SGCZ: variants seen among roughly 807,000 people sequenced by gnomAD.
SGCZ encodes sarcoglycan zeta.
Under a neutral mutation model 41.3 loss-of-function variants are expected in SGCZ, and 40 were observed. The observed-to-expected ratio is 0.97, with a 90% confidence interval of 0.75 to 1.26. The LOEUF (loss-of-function observed/expected upper bound fraction) is 1.26, where lower values mean the gene tolerates loss of function less well. Among genes scored for constraint, SGCZ ranks in the 50% most tolerant of loss-of-function variants. The probability of loss-of-function intolerance (pLI) is 0.00; values close to 1 mark genes in which losing one functional copy is unlikely to be tolerated. For missense variants in SGCZ, 552 were observed against 369.8 expected (o/e 1.49, Z -4.04); for synonymous variants, 206 against 137.5 (o/e 1.50, Z -3.49).
rs117239169 is a variant in SGCZ at position 15,000,055 on chromosome 8, G to A, written c.39+237530C>T. On this transcript the variant is annotated intron_variant, in intron 1 of 7. Transcript: ENST00000382080. ...TAAGGTTAAATGAGGTCATAGGGGT[G>A]AGCCCTAATTCAACCTGACTGGTGC... Among the ~76,000 whole-genome samples the A allele has an allele frequency of 4.3e-3, 651 of 152,264 alleles. 2 individuals are homozygous for A. The highest frequency in any genetic ancestry group is 6.5e-3 in the Admixed American group (100 of 15,292).
intron 1 of SGCZ, among the ~76,000 whole-genome samples, chr8:14,577,037 C>T (rs1804732333): frequency 6.6e-6 from 1 of 152,310 alleles, no homozygotes; most frequent in African/African-American, 2.4e-5. Context: ...CTAAACTGTA[C>T]ATTTCTTGAC....
In SGCZ at chr8:15,229,305, T is replaced by G. The variant is rs1022344011; in HGVS notation, c.39+8280A>C. ...GAGTATCTAAAAAGGATTTTAATAA[T>G]TTTAACTGTATAAACATTTATTACC... On this transcript the variant is annotated intron_variant, in intron 1 of 7. Coordinates refer to ENST00000382080, the MANE Select transcript of SGCZ (RefSeq NM_139167.4). 2.0e-5 allele frequency among the ~76,000 whole-genome samples: 3 copies of G among 152,202 alleles called. No homozygotes were observed. The South Asian group carries it at 6.2e-4, about 31-fold the overall frequency.
At position 14,084,895 on chromosome 8, in the gene SGCZ, A is replaced by G. The variant is rs541234583; in HGVS notation, c.*5548T>C. On this transcript the variant is annotated 3_prime_UTR_variant, in exon 8 of 8. Transcript: ENST00000382080. ...CTATCACATTTAATCATGGTTACAT[A>G]GTAGCACCAAAATTAGGACAAATTA... Among the ~76,000 whole-genome samples the G allele has an allele frequency of 1.1e-3, 166 of 151,970 alleles. No individual in the cohort carries two copies. Among genetic ancestry groups the G allele is most frequent in the African/African-American group, 3.8e-3 (158 of 41,530 alleles).
intron 1 of SGCZ, among the ~76,000 whole-genome samples, chr8:14,705,516 T>C (rs1462541096): frequency 1.3e-5 from 2 of 151,968 alleles, no homozygotes. Flanking sequence ...ATTGCAAACC[T>C]TGTCTCCGAT....
chr8:15,222,497 A>G (rs1179623757), intron 1 of SGCZ, among the ~76,000 whole-genome samples: 3 of 152,218 alleles, frequency 2.0e-5, no homozygotes, highest in East Asian at 1.9e-4. Flanking sequence ...TGATAAATCA[A>G]TTAGTGCTTA....
intron 1 of SGCZ, among the ~76,000 whole-genome samples, chr8:14,899,803 A>T (rs1798900942): frequency 6.6e-6 from 1 of 152,046 alleles, no homozygotes; most frequent in African/African-American, 2.4e-5. Context: ...ACAGGAAGGG[A>T]GAAAAGTGAA....
At chr8:14,967,111 G>A (rs983758936) in intron 1 of SGCZ, among the ~76,000 whole-genome samples, 5 of 152,130 alleles carry the variant, frequency 3.3e-5, no homozygotes, top group African/African-American at 1.2e-4. Flanking sequence ...AGTAGAATAA[G>A]TAAACTGTAA....
At chr8:14,750,392 T>G (rs931080549) in intron 1 of SGCZ, among the ~76,000 whole-genome samples, 7 of 152,154 alleles carry the variant, frequency 4.6e-5, no homozygotes, top group African/African-American at 1.7e-4. Context: ...GTAGGAGAAC[T>G]GAATAATTTT....
At chr8:15,093,485 A>T (rs1055510873) in intron 1 of SGCZ, among the ~76,000 whole-genome samples, 1 of 152,218 alleles carries the variant, frequency 6.6e-6, no homozygotes, top group Non-Finnish European at 1.5e-5. Context: ...TCAGCATAAC[A>T]GTTGCTTAGA....
intron 1 of SGCZ, among the ~76,000 whole-genome samples, chr8:14,556,364 T>C (rs1183887572): frequency 6.6e-6 from 1 of 151,766 alleles, no homozygotes; most frequent in African/African-American, 2.4e-5. Context: ...ATATGTTAAG[T>C]AATATAAAAT....
chr8:14,503,566 G>A (rs186654717), intron 2 of SGCZ, among the ~76,000 whole-genome samples: 3 of 152,016 alleles, frequency 2.0e-5, no homozygotes, highest in African/African-American at 7.2e-5. Context: ...TCAAGAGATC[G>A]AGACTACCCT....
At chr8:14,141,965 A>G (rs2116927030) in intron 5 of SGCZ, among the ~76,000 whole-genome samples, 1 of 152,366 alleles carries the variant, frequency 6.6e-6, no homozygotes, top group Non-Finnish European at 1.5e-5. Flanking sequence ...GCACATATAC[A>G]CCATGGAATA....
At chr8:15,175,046 A>T (rs1799955712) in intron 1 of SGCZ, among the ~76,000 whole-genome samples, 1 of 127,676 alleles carries the variant, frequency 7.8e-6, no homozygotes, top group Non-Finnish European at 1.9e-5. Context: ...GCAAACCACC[A>T]TACCACATGT....
intron 2 of SGCZ, among the ~76,000 whole-genome samples, chr8:14,431,593 G>C (rs977411962): frequency 6.6e-6 from 1 of 152,034 alleles, no homozygotes; most frequent in African/African-American, 2.4e-5. Flanking sequence ...AATTCTAAAA[G>C]ACATCAGAGA....
At chr8:14,534,360 A>C (rs534795723) in intron 2 of SGCZ, among the ~76,000 whole-genome samples, 1 of 152,136 alleles carries the variant, frequency 6.6e-6, no homozygotes, top group African/African-American at 2.4e-5. Context: ...TGAAACTTTT[A>C]ATACATGAGA....
intron 1 of SGCZ, among the ~76,000 whole-genome samples, chr8:14,828,947 T>C (rs1802432784): frequency 6.9e-6 from 1 of 145,268 alleles, no homozygotes; most frequent in African/African-American, 2.8e-5. Context: ...ATGGCTCCTT[T>C]GGAGTCCTTT....
chr8:14,413,103 C>T (rs532262597), intron 2 of SGCZ, among the ~76,000 whole-genome samples: 89 of 151,976 alleles, frequency 5.9e-4, no homozygotes, highest in African/African-American at 1.6e-3. Context: ...TGACCAAGTT[C>T]GCATCATTAA....
At chr8:14,707,933 G>A (rs756906225) in intron 1 of SGCZ, among the ~76,000 whole-genome samples, 1 of 151,774 alleles carries the variant, frequency 6.6e-6, no homozygotes, top group Non-Finnish European at 1.5e-5. Flanking sequence ...TATGATTTGG[G>A]GTTCAGAGAA....
intron 1 of SGCZ, among the ~76,000 whole-genome samples, chr8:14,620,814 A>C (rs1375706150): frequency 1.3e-5 from 2 of 152,188 alleles, no homozygotes; most frequent in African/African-American, 2.4e-5. Context: ...GATGTGGAGA[A>C]ATAGGAACAC....
Sources: gnomAD v4.1 joint callset for allele counts (sites outside exome capture counted in the v4.1 genomes callset) on GRCh38, gnomAD v4.1.1 for gene constraint, MANE v1.5 for transcripts, NCBI Gene and HGNC (gene_info 2026-07-23, HGNC 2026-07-21) for gene names.